The following SLC25A36 variants were observed in gnomAD, a reference collection of about 807,000 sequenced individuals.
SLC25A36 encodes the protein epididymis secretory sperm binding protein.
In SLC25A36, 24 loss-of-function variants were observed where a neutral mutation model predicts 35.3. That is an observed-to-expected ratio of 0.68 (90% CI 0.49 to 0.96). SLC25A36 has a LOEUF of 0.96. Among genes scored for constraint, SLC25A36 ranks in the 40% least tolerant of loss-of-function variants. The probability of loss-of-function intolerance (pLI) is 0.00; values close to 1 mark genes in which losing one functional copy is unlikely to be tolerated. For synonymous variants in SLC25A36, 141 were observed against 132.2 expected, an observed-to-expected ratio of 1.07 and a Z score of -0.46; for missense variants, 294 against 381.1, an observed-to-expected ratio of 0.77 and a Z score of 1.90.
chr3:140,963,082 C>T (rs764982804), intron 3 of SLC25A36, 45 bp from the exon 4 acceptor site: 35 of 1,164,312 alleles, frequency 3.0e-5, no homozygotes, highest in Non-Finnish European at 3.7e-5. Flanking sequence ...GTAAATCTTA[C>T]GCATTAAGAA....
At chr3:140,946,703 G>A (rs925831093) in intron 1 of SLC25A36, among the ~76,000 whole-genome samples, 3 of 152,196 alleles carry the variant, frequency 2.0e-5, no homozygotes, top group Non-Finnish European at 4.4e-5. Flanking sequence ...TGGAAGGGTG[G>A]AATTGCTGTC....
At chr3:140,963,845 C>T (rs942172786) in intron 4 of SLC25A36, 1 of 152,012 alleles carries the variant, frequency 6.6e-6, no homozygotes, top group Admixed American at 6.6e-5. Flanking sequence ...TCTGTCATCA[C>T]TGATAAGTAT....
rs1935148176 is a variant in SLC25A36, at chr3:140,980,013, G to C, written c.*3560G>C. 6.6e-6 allele frequency: 1 copy of C among 152,038 alleles called. No homozygotes were observed. The highest frequency in any genetic ancestry group is 1.5e-5 in the Non-Finnish European group (1 of 68,018). 9.4% of individuals were successfully genotyped at this position (152,038 alleles called of 1,614,324 possible). Reference sequence around the variant, plus strand: ...ACTTTTTTGGATTATCCTATGTGTGGAACAAAAATCCATTGCCATTTTCAG... The same window carrying C: ...ACTTTTTTGGATTATCCTATGTGTGCAACAAAAATCCATTGCCATTTTCAG... On this transcript the variant is annotated 3_prime_UTR_variant, in exon 7 of 7. Coordinates refer to ENST00000324194, the MANE Select transcript of SLC25A36 (RefSeq NM_001104647.3).
rs55920500 is a variant in SLC25A36 at position 140,948,963 on chromosome 3, C to T, written c.41+6868C>T. On this transcript the variant is annotated intron_variant, in intron 1 of 6. Coordinates refer to ENST00000324194, the MANE Select transcript of SLC25A36 (RefSeq NM_001104647.3). ...TCTCTTTCTCCTTTCTCTCCCATCT[C>T]CCCACCCTCAACTTTTGATTCCCGT... 8.4e-3 allele frequency among the ~76,000 whole-genome samples: 1,276 copies of T among 152,314 alleles called. 29 individuals are homozygous for T. Among genetic ancestry groups the T allele is most frequent in the African/African-American group, 0.029 (1,202 of 41,570 alleles).
At chr3:140,951,974 C>T (rs1373438749) in intron 1 of SLC25A36, among the ~76,000 whole-genome samples, 1 of 151,706 alleles carries the variant, frequency 6.6e-6, no homozygotes, top group Admixed American at 6.6e-5. Flanking sequence ...GCTGGGATTA[C>T]AGGCATGTGC....
At chr3:140,959,427 A>G (rs1266237677) in intron 2 of SLC25A36, 36 bp from the exon 3 acceptor site, 1 of 1,142,460 alleles carries the variant, frequency 8.8e-7, no homozygotes, top group Non-Finnish European at 1.2e-6. Flanking sequence ...AGACTTTGAA[A>G]GATATTTCTG....
At chr3:140,948,690 AC>A (rs1218971560) in intron 1 of SLC25A36, among the ~76,000 whole-genome samples, 1 of 152,198 alleles carries the variant, frequency 6.6e-6, no homozygotes, top group Non-Finnish European at 1.5e-5. Flanking sequence ...TCTATCTGTT[AC>A]CTTGCCTGTT....
chr3:140,964,699 A>G (rs908439623), intron 4 of SLC25A36: 7 of 151,886 alleles, frequency 4.6e-5, no homozygotes, highest in Non-Finnish European at 7.4e-5. Flanking sequence ...ACCTCAGATA[A>G]TTATAAAGAA....
intron 1 of SLC25A36, among the ~76,000 whole-genome samples, chr3:140,954,024 C>A (rs2107790016): frequency 6.6e-6 from 1 of 152,220 alleles, no homozygotes; most frequent in Non-Finnish European, 1.5e-5. Context: ...AAGAATTCCC[C>A]CACACCCCTT....
chr3:140,959,484 G>T lies in SLC25A36; in HGVS notation c.228G>T (p.Gly76=), dbSNP rs748339197. The change falls in exon 3 of 7, where the codon GGG becomes GGT. Residue 76 remains glycine (G), a synonymous_variant. Transcript: ENST00000324194. ...TCAGGGTGATCTTGGAAAAAGAAGG[G>T]CCTCGTTCCTTGTTTAGAGGACTAG... is the stretch of plus-strand genomic sequence containing the variant. The part of the protein sequence containing the change: ...HCLKVILEKE[G]PRSLFRGLGP... 3 of 1,520,308 alleles carry T rather than the reference G, an allele frequency of 2.0e-6. No individual in the cohort carries two copies. The Admixed American group carries it at 7.4e-5, about 38-fold the overall frequency. The allele number at this position is 1,520,308 out of a possible 1,614,324, so 94.2% of individuals were successfully genotyped here.
At chr3:140,971,622 A>T (rs1934904657) in intron 5 of SLC25A36, among the ~76,000 whole-genome samples, 1 of 152,194 alleles carries the variant, frequency 6.6e-6, no homozygotes, top group Non-Finnish European at 1.5e-5. Flanking sequence ...AATCGGTGCA[A>T]ACCTCAGAGG....
chr3:140,969,267 GTTTTTC>G (rs1159769277), intron 4 of SLC25A36, among the ~76,000 whole-genome samples: 3 of 151,726 alleles, frequency 2.0e-5, no homozygotes, highest in Non-Finnish European at 4.4e-5. Context: ...ATAGTTTCAT[GTTTTTC>G]TTTTCTTTTC....
chr3:140,961,825 C>A (rs577981919), intron 3 of SLC25A36, among the ~76,000 whole-genome samples: 2 of 131,216 alleles, frequency 1.5e-5, no homozygotes, highest in African/African-American at 5.7e-5. Context: ...CACTGCACTC[C>A]GGCCTGGGCA....
intron 1 of SLC25A36, among the ~76,000 whole-genome samples, chr3:140,943,587 G>A (rs1164634924): frequency 9.9e-5 from 15 of 152,180 alleles, no homozygotes; most frequent in Non-Finnish European, 4.4e-5. Context: ...CTTGTAATTA[G>A]ATCTATAACC....
chr3:140,967,100 GAT>G, intron 4 of SLC25A36: 1 of 451,810 alleles, frequency 2.2e-6, no homozygotes, highest in Admixed American at 2.4e-5. Context: ...GGGATTTTAT[GAT>G]AGCTGTGGAA....
At chr3:140,952,835 T>A (rs1244462422) in intron 1 of SLC25A36, among the ~76,000 whole-genome samples, 1 of 152,268 alleles carries the variant, frequency 6.6e-6, no homozygotes, top group Non-Finnish European at 1.5e-5. Context: ...AAGTAATTCA[T>A]GTTCATTGAA....
intron 4 of SLC25A36, chr3:140,968,378 G>T: frequency 1.1e-6 from 1 of 885,514 alleles, no homozygotes; most frequent in African/African-American, 1.8e-5. Flanking sequence ...CTCATTGGGA[G>T]AGTTGAGCCA....
intron 1 of SLC25A36, 54 bp from the exon 2 acceptor site, chr3:140,956,473 A>G: frequency 2.7e-6 from 4 of 1,475,290 alleles, no homozygotes; most frequent in Non-Finnish European, 3.6e-6. Flanking sequence ...GGGCATATAT[A>G]CTAACTTATG....
At chr3:140,954,739 T>C (rs1173707771) in intron 1 of SLC25A36, among the ~76,000 whole-genome samples, 1 of 152,234 alleles carries the variant, frequency 6.6e-6, no homozygotes, top group Non-Finnish European at 1.5e-5. Flanking sequence ...TTGCAGGTAA[T>C]GATTTGTAAA....
Sources: gnomAD v4.1 joint callset for allele counts (sites outside exome capture counted in the v4.1 genomes callset) on GRCh38, gnomAD v4.1.1 for gene constraint, MANE v1.5 for transcripts, NCBI Gene and HGNC (gene_info 2026-07-23, HGNC 2026-07-21) for gene names.